ARL14EP: variants seen among roughly 807,000 people sequenced by gnomAD.
ARL14EP encodes ARL14 effector protein.
In ARL14EP, 12 loss-of-function variants were observed where a neutral mutation model predicts 23.1. The observed-to-expected ratio is 0.52, with a 90% confidence interval of 0.33 to 0.84. The LOEUF is 0.84. Ranked by LOEUF, ARL14EP falls within the 40% of genes least tolerant of loss-of-function variation. The pLI is 0.02. For missense variants in ARL14EP, 253 were observed against 307.3 expected, an observed-to-expected ratio of 0.82 and a Z score of 1.32; for synonymous variants, 97 against 102.0, an observed-to-expected ratio of 0.95 and a Z score of 0.29.
rs1947334593 is a variant in ARL14EP, at chr11:30,336,636, C to T, written c.624C>T (p.Leu208=). The T allele has an allele frequency of 1.9e-6, 3 of 1,614,030 alleles. No homozygotes were observed. Among genetic ancestry groups the T allele is most frequent in the South Asian group, 2.2e-5 (2 of 91,084 alleles). Residue 208 remains leucine (L), a synonymous_variant, in exon 4 of 4, where the codon CTC becomes CTT. Transcript: ENST00000282032. The part of the protein sequence containing the change: ...QGLLIFSGMD[L]CDCLDEDCLG... ...TCCTGATTTTTAGTGGGATGGACCT[C>T]TGTGACTGCCTGGATGAAGACTGCT...
chr11:30,325,185 C>G (rs892945319), intron 1 of ARL14EP, among the ~76,000 whole-genome samples: 3 of 152,184 alleles, frequency 2.0e-5, no homozygotes, highest in African/African-American at 7.2e-5. Flanking sequence ...AATAGTAGAT[C>G]TGAGAATGTT....
chr11:30,333,433 C>G (rs1245751591), intron 3 of ARL14EP, among the ~76,000 whole-genome samples: 1 of 152,150 alleles, frequency 6.6e-6, no homozygotes, highest in Non-Finnish European at 1.5e-5. Context: ...CTCCCTATCT[C>G]TGTCGCATTT....
intron 1 of ARL14EP, among the ~76,000 whole-genome samples, chr11:30,326,692 C>G: frequency 6.6e-6 from 1 of 152,152 alleles, no homozygotes; most frequent in South Asian, 2.1e-4. Flanking sequence ...GGATCAGTGT[C>G]TGAAATTTGG....
At chr11:30,335,505 T>C (rs1947323952) in intron 3 of ARL14EP, among the ~76,000 whole-genome samples, 1 of 152,142 alleles carries the variant, frequency 6.6e-6, no homozygotes, top group African/African-American at 2.4e-5. Context: ...TTCACTGTAG[T>C]CTTTAAGAAA....
At position 30,331,174 on chromosome 11, in the gene ARL14EP, T is replaced by C. The variant is rs1196366578; in HGVS notation, c.226T>C (p.Cys76Arg). ...ATTTGAGGATTTACAGAAGTCATGT[T>C]GTGACCCATTTAACATACACAAGAA... is the stretch of plus-strand genomic sequence containing the variant. Reference protein sequence around the residue: ...DRFEDLQKSCCDPFNIHKKLA... With the variant: ...DRFEDLQKSCRDPFNIHKKLA... Residue 76 changes from cysteine to arginine, a missense_variant, in exon 2 of 4, where the codon TGT becomes CGT. Physicochemically the swap from Cys to Arg is radical, Grantham distance 180. Transcript: ENST00000282032. 2 of 1,613,982 alleles carry C rather than the reference T, an allele frequency of 1.2e-6. No individual in the cohort carries two copies. Among genetic ancestry groups the C allele is most frequent in the South Asian group, 2.2e-5 (2 of 91,072 alleles).
At chr11:30,323,439 C>T (rs1947211160) in intron 1 of ARL14EP, among the ~76,000 whole-genome samples, 1 of 152,238 alleles carries the variant, frequency 6.6e-6, no homozygotes, top group East Asian at 1.9e-4. Flanking sequence ...CCGCCTCTGA[C>T]CTCTCTGAGG....
chr11:30,330,300 T>G (rs1009167914), intron 1 of ARL14EP: 2 of 152,512 alleles, frequency 1.3e-5, no homozygotes, highest in Non-Finnish European at 2.9e-5. Context: ...TGCTCTTTCA[T>G]ATAGACCAGC....
intron 3 of ARL14EP, among the ~76,000 whole-genome samples, chr11:30,335,601 A>AG (rs1225480335): frequency 1.3e-5 from 2 of 152,182 alleles, no homozygotes; most frequent in Admixed American, 6.5e-5. Flanking sequence ...CCAGCAAAAA[A>AG]ACTACAACTC....
In ARL14EP at chr11:30,333,050, C is replaced by T. The variant is rs989867147; in HGVS notation, c.554+57C>T. The T allele has an allele frequency of 2.5e-6, 4 of 1,596,514 alleles. No homozygotes were observed. In the Admixed American group the frequency reaches 6.8e-5, roughly 27 times the overall value. ...TTGCTGCTTCACATCTGCATTGTTC[C>T]CCTATTTTTCTCTTAAATTTTGAAT... is the stretch of plus-strand genomic sequence containing the variant. On this transcript the variant is annotated intron_variant, in intron 3 of 3. Transcript: ENST00000282032.
At chr11:30,334,508 C>G (rs1380756187) in intron 3 of ARL14EP, among the ~76,000 whole-genome samples, 1 of 152,102 alleles carries the variant, frequency 6.6e-6, no homozygotes, top group African/African-American at 2.4e-5. Context: ...GCCACCACGC[C>G]CAGCCAACAA....
At chr11:30,327,336 GGAAAA>G (rs1032033136) in intron 1 of ARL14EP, among the ~76,000 whole-genome samples, 49 of 151,902 alleles carry the variant, frequency 3.2e-4, no homozygotes, top group African/African-American at 1.2e-3. Context: ...CAATAACTAA[GGAAAA>G]GAATTTTTTA....
At chr11:30,332,784 C>T (rs1469582773) in intron 2 of ARL14EP, 82 bp from the exon 3 acceptor site, 7 of 1,509,612 alleles carry the variant, frequency 4.6e-6, no homozygotes, top group East Asian at 4.6e-5. Context: ...GTTAGGGAAT[C>T]GTCTGGTTTA....
At chr11:30,334,003 C>T (rs952570693) in intron 3 of ARL14EP, among the ~76,000 whole-genome samples, 6 of 152,016 alleles carry the variant, frequency 3.9e-5, no homozygotes, top group African/African-American at 1.4e-4. Flanking sequence ...AAGCCTAATC[C>T]AAAGCAAGGT....
chr11:30,331,374 T>C lies in ARL14EP; in HGVS notation c.426T>C (p.Asp142=), dbSNP rs1339249441. The C allele has an allele frequency of 6.2e-7, 1 of 1,613,920 alleles. No homozygotes were observed. Among genetic ancestry groups the C allele is most frequent in the Non-Finnish European group, 8.5e-7 (1 of 1,179,832 alleles). Residue 142 remains aspartate (D), a splice_region_variant and synonymous_variant, in exon 2 of 4, where the codon GAT becomes GAC. Transcript: ENST00000282032. The part of the protein sequence containing the change: ...EDRQKRKPES[D]GRTAKALRSL... ...GCCAGAAAAGGAAACCTGAGTCAGA[T>C]GTATGTGTAATAGTCATTTTTTTCT...
chr11:30,335,495 T>G (rs1288697311), intron 3 of ARL14EP, among the ~76,000 whole-genome samples: 4 of 152,106 alleles, frequency 2.6e-5, no homozygotes, highest in Non-Finnish European at 5.9e-5. Flanking sequence ...TGCAGCAAAC[T>G]TCACTGTAGT....
In ARL14EP at chr11:30,331,004, A is replaced by C. The variant is rs1225548025; in HGVS notation, c.56A>C (p.Lys19Thr). 6.2e-7 allele frequency: 1 copy of C among 1,613,922 alleles called. No homozygotes were observed. Among genetic ancestry groups the C allele is most frequent in the South Asian group, 1.1e-5 (1 of 91,080 alleles). Residue 19 changes from lysine to threonine, a missense_variant, in exon 2 of 4, where the codon AAA (lysine) becomes ACA (threonine). Transcript: ENST00000282032. ...VQLRTTNECH[K>T]TYYTRHTGFK... ...CTTCGTACTACAAATGAGTGCCATA[A>C]AACCTACTATACTCGTCACACAGGT...
chr11:30,336,439 A>T (rs1590671521), intron 3 of ARL14EP, 128 bp from the exon 4 acceptor site: 1 of 826,808 alleles, frequency 1.2e-6, no homozygotes. Flanking sequence ...GAGCCTGATA[A>T]ATTATAGATG....
At chr11:30,325,204 G>C (rs1010496344) in intron 1 of ARL14EP, among the ~76,000 whole-genome samples, 14 of 152,160 alleles carry the variant, frequency 9.2e-5, no homozygotes, top group Non-Finnish European at 1.6e-4. Flanking sequence ...TTATTCCTTG[G>C]CTCTGGCTGA....
chr11:30,327,244 T>C (rs1441721442), intron 1 of ARL14EP, among the ~76,000 whole-genome samples: 1 of 152,174 alleles, frequency 6.6e-6, no homozygotes, highest in Non-Finnish European at 1.5e-5. Flanking sequence ...ATTCCATTAG[T>C]TTCCTTTAAT....
Sources: gnomAD v4.1 joint callset for allele counts (sites outside exome capture counted in the v4.1 genomes callset) on GRCh38, gnomAD v4.1.1 for gene constraint, MANE v1.5 for transcripts, NCBI Gene and HGNC (gene_info 2026-07-23, HGNC 2026-07-21) for gene names.